MMP10: variants seen among roughly 807,000 people sequenced by gnomAD.
The protein encoded by MMP10 is stromelysin-2.
A neutral mutation model predicts 49.1 loss-of-function variants in MMP10; 50 were observed. The observed-to-expected ratio is 1.02, with a 90% CI of 0.81 to 1.29. MMP10 has a LOEUF of 1.29. Among genes scored for constraint, MMP10 ranks in the 50% most tolerant of loss-of-function variants. The probability of loss-of-function intolerance (pLI) is 0.00; values close to 1 mark genes in which losing one functional copy is unlikely to be tolerated. For synonymous variants in MMP10, 229 were observed against 201.6 expected (o/e 1.14, Z -1.15); for missense variants, 613 against 563.8 (o/e 1.09, Z -0.88).
At position 102,778,115 on chromosome 11, in the gene MMP10, GAA is replaced by G. The variant is rs17860961; in HGVS notation, c.622+507_622+508del. Among the ~76,000 whole-genome samples, 3 of 152,022 alleles carry G rather than the reference GAA, an allele frequency of 2.0e-5. No individual in the cohort carries two copies. In the South Asian group the frequency reaches 6.2e-4, roughly 32 times the overall value. On this transcript the variant is annotated intron_variant, in intron 4 of 9. Coordinates refer to ENST00000279441, the MANE Select transcript of MMP10 (RefSeq NM_002425.3). ...AAGTGTTTCCAAGCCAATTTAGGGC[GAA>G]AAAAACCCATCTAAGCTAGAGACAG...
At chr11:102,775,950 G>C (rs886638108) in intron 6 of MMP10, among the ~76,000 whole-genome samples, 3 of 151,954 alleles carry the variant, frequency 2.0e-5, no homozygotes, top group African/African-American at 7.2e-5. Context: ...TCCCTTATAA[G>C]TCTGTAAAAA....
intron 7 of MMP10, among the ~76,000 whole-genome samples, chr11:102,773,307 G>A (rs1420243260): frequency 1.3e-5 from 2 of 152,248 alleles, no homozygotes; most frequent in Non-Finnish European, 2.9e-5. Flanking sequence ...CTTTTAACCT[G>A]AATTTCTCAC....
chr11:102,776,605 C>A lies in MMP10; in HGVS notation c.787+7G>T. ...CTGCAATGCCTAATTTTTCCAGCAT[C>A]ACTCACCGTAGAGAGACTGAATGCC... On this transcript the variant is annotated splice_region_variant and intron_variant, in intron 5 of 9. Transcript: ENST00000279441. 1 of 1,603,686 alleles carries A rather than the reference C, an allele frequency of 6.2e-7. No homozygotes were observed. Among genetic ancestry groups the A allele is most frequent in the Non-Finnish European group, 8.5e-7 (1 of 1,176,594 alleles).
chr11:102,770,825 T>C lies in MMP10; in HGVS notation c.1399A>G (p.Ile467Val), dbSNP rs1398148190. 2 of 1,612,366 alleles carry C rather than the reference T, an allele frequency of 1.2e-6. No individual in the cohort carries two copies. Among genetic ancestry groups the C allele is most frequent in the South Asian group, 1.1e-5 (1 of 90,730 alleles). The change falls in exon 10 of 10, where the codon ATA becomes GTA. Residue 467 changes from isoleucine to valine, a missense_variant. Ile to Val is a conservative substitution (Grantham distance 29, BLOSUM62 3). Transcript: ENST00000279441. ...TGTAACCAGCTGTTACTCTTTAATA[T>C]GTGTGTCACCATCCTGGCATTGGGG... ...FDPNARMVTH[I>V]LKSNSWLHC
rs377625989 is a variant in MMP10, at chr11:102,776,735, A to G, written c.664T>C (p.Ser222Pro). The change falls in exon 5 of 10, where the codon TCC becomes CCC. Residue 222 changes from serine (S) to proline (P), a missense_variant. By Grantham distance (74) the Ser-to-Pro change is moderately conservative. Transcript: ENST00000279441. ...TTGGCTGAGTGAAAGAGCCCCAGGG[A>G]GTGGCCAAGTTCATGAGCAGCAACG... Reference protein sequence around the residue: ...FLVAAHELGHSLGLFHSANTE... With the variant: ...FLVAAHELGHPLGLFHSANTE... 77 of 1,613,898 alleles carry G rather than the reference A, an allele frequency of 4.8e-5. 2 individuals carry two copies. In the East Asian group the frequency reaches 6.0e-4, roughly 13 times the overall value.
At chr11:102,778,480 A>T in intron 4 of MMP10, 144 bp downstream of exon 4, 1 of 994,094 alleles carries the variant, frequency 1.0e-6, no homozygotes, top group Non-Finnish European at 1.5e-6. Context: ...GATTGAAACA[A>T]ACAGTACTTC....
chr11:102,779,406 A>T, intron 2 of MMP10, 45 bp from the exon 3 acceptor site: 1 of 1,609,168 alleles, frequency 6.2e-7, no homozygotes. Flanking sequence ...TCCTGCCTTT[A>T]TGAAAAATTG....
chr11:102,778,776 A>G lies in MMP10; in HGVS notation c.497-27T>C, dbSNP rs746881302. Reference sequence around the variant, plus strand: ...TGATAGGGAACAAATTAATGGAAATATAAGTGTTCAGAATTTCTTTTTACC... The same window carrying G: ...TGATAGGGAACAAATTAATGGAAATGTAAGTGTTCAGAATTTCTTTTTACC... On this transcript the variant is annotated intron_variant, in intron 3 of 9. Transcript: ENST00000279441. 5.6e-6 allele frequency: 9 copies of G among 1,611,820 alleles called. 1 individual carries two copies. In the African/African-American group the frequency reaches 6.7e-5, roughly 12 times the overall value.
At chr11:102,771,088 G>A (rs1318160420) in intron 9 of MMP10, among the ~76,000 whole-genome samples, 195 bp from the exon 10 acceptor site, 1 of 152,084 alleles carries the variant, frequency 6.6e-6, no homozygotes, top group Non-Finnish European at 1.5e-5. Flanking sequence ...TTATTAATGA[G>A]AACAAAACTA....
rs765412485 is a variant in MMP10 at position 102,779,574 on chromosome 11, C to T, written c.277G>A (p.Val93Ile). ...LEVMRKPRCG[V>I]PDVGHFSSFP... Reference sequence around the variant, plus strand: ...GAGCTGAAGTGACCAACGTCAGGAACTCCACACCTGGGCTTGCGCATCACC... The same window carrying T: ...GAGCTGAAGTGACCAACGTCAGGAATTCCACACCTGGGCTTGCGCATCACC... Residue 93 changes from valine to isoleucine, a missense_variant, in exon 2 of 10, where the codon GTT becomes ATT. Transcript: ENST00000279441. The T allele has an allele frequency of 1.2e-6, 2 of 1,614,018 alleles. No individual in the cohort carries two copies. The highest frequency in any genetic ancestry group is 1.7e-5 in the Admixed American group (1 of 59,930).
chr11:102,777,790 G>A lies in MMP10; in HGVS notation c.622+834C>T, dbSNP rs1382718094. Among the ~76,000 whole-genome samples the A allele has an allele frequency of 1.3e-5, 2 of 152,098 alleles. 1 individual carries two copies. Among genetic ancestry groups the A allele is most frequent in the South Asian group, 4.2e-4 (2 of 4,816 alleles). ...GAAAAGAACAGTTGTTCAAATAAAA[G>A]GCAATCATTTCATGCAACACAAACT... is the stretch of plus-strand genomic sequence containing the variant. On this transcript the variant is annotated intron_variant, in intron 4 of 9. Coordinates refer to ENST00000279441, the MANE Select transcript of MMP10 (RefSeq NM_002425.3).
Position 102,772,711 on chromosome 11 carries a change from G to T in MMP10, c.1226+136C>A. ...TTGTATCCGGAAGGTAGAACAATAA[G>T]CTGTCTTCCTCATAATCATAAATTT... is the stretch of plus-strand genomic sequence containing the variant. On this transcript the variant is annotated intron_variant, in intron 8 of 9. Transcript: ENST00000279441. The surrounding 1 kb of genome is among the most constrained non-coding windows in gnomAD (Gnocchi z 4.4). 2 of 879,244 alleles carry T rather than the reference G, an allele frequency of 2.3e-6. No individual in the cohort carries two copies. The highest frequency in any genetic ancestry group is 5.1e-5 in the East Asian group (2 of 39,318). 54.5% of individuals were successfully genotyped at this position (879,244 alleles called of 1,614,324 possible). A position where few individuals can be genotyped will look rare whatever the true frequency, so the allele number is the denominator to read the frequency against.
intron 3 of MMP10, among the ~76,000 whole-genome samples, chr11:102,778,964 C>G (rs769951930): frequency 6.6e-5 from 10 of 152,188 alleles, no homozygotes; most frequent in Non-Finnish European, 1.5e-4. Flanking sequence ...GAGATTAGTG[C>G]TTTTATGAAA....
rs760647930 is a variant in MMP10 at position 102,780,628 on chromosome 11, T to C, written c.-37A>G. 107 of 1,569,572 alleles carry C rather than the reference T, an allele frequency of 6.8e-5. No individual in the cohort carries two copies. Among genetic ancestry groups the C allele is most frequent in the Non-Finnish European group, 9.2e-5 (105 of 1,144,310 alleles). ...TTACCTTCTTTGTCTACTGGGCTTC[T>C]AGCTCTACCCCCTAGTGGCCTTTCT... On this transcript the variant is annotated 5_prime_UTR_variant, in exon 1 of 10. Transcript: ENST00000279441.
intron 6 of MMP10, among the ~76,000 whole-genome samples, chr11:102,775,935 A>C (rs1433251000): frequency 6.6e-6 from 1 of 152,178 alleles, no homozygotes; most frequent in Non-Finnish European, 1.5e-5. Flanking sequence ...AGGGACCAAG[A>C]ATCATCCCTT....
chr11:102,770,648 C>A lies in MMP10; in HGVS notation c.*145G>T. The stretch of plus-strand genomic sequence containing the variant: ...AGTGAAGAATTCCAGAAACATTCTT[C>A]ATGACACATGCAGATATCTGCAAGG... On this transcript the variant is annotated 3_prime_UTR_variant, in exon 10 of 10. Transcript: ENST00000279441. 1.9e-6 allele frequency: 1 copy of A among 528,542 alleles called. No individual in the cohort carries two copies. The highest frequency in any genetic ancestry group is 3.8e-5 in the Admixed American group (1 of 26,596). 32.7% of individuals were successfully genotyped at this position (528,542 alleles called of 1,614,324 possible). A position where few individuals can be genotyped will look rare whatever the true frequency, so the allele number is the denominator to read the frequency against.
intron 6 of MMP10, among the ~76,000 whole-genome samples, chr11:102,775,642 T>A (rs1857717176): frequency 6.6e-6 from 1 of 152,184 alleles, no homozygotes; most frequent in Non-Finnish European, 1.5e-5. Flanking sequence ...TTGGTAGCAG[T>A]GGTTGCACAT....
intron 9 of MMP10, 101 bp downstream of exon 9, chr11:102,771,911 A>C: frequency 1.3e-6 from 1 of 765,740 alleles, no homozygotes; most frequent in South Asian, 1.6e-5. Flanking sequence ...AAAAGATATC[A>C]GACTGAATGA....
At position 102,772,247 on chromosome 11, in the gene MMP10, C is replaced by T; in HGVS notation, c.1227-132G>A. On this transcript the variant is annotated intron_variant, in intron 8 of 9. Coordinates refer to ENST00000279441, the MANE Select transcript of MMP10 (RefSeq NM_002425.3). The surrounding 1 kb of genome is among the most constrained non-coding windows in gnomAD (Gnocchi z 4.4). Reference sequence around the variant, plus strand: ...TTAAGTTGTGTAAAAAAGTGTTAAACATTTTTAGAGCTACAAGAATAGGTT... The same window carrying T: ...TTAAGTTGTGTAAAAAAGTGTTAAATATTTTTAGAGCTACAAGAATAGGTT... 5.1e-6 allele frequency: 3 copies of T among 582,948 alleles called. No individual in the cohort carries two copies. In the South Asian group the frequency reaches 7.7e-5, roughly 15 times the overall value. The allele number at this position is 582,948 out of a possible 1,614,324, so 36.1% of individuals were successfully genotyped here. A position where few individuals can be genotyped will look rare whatever the true frequency, so the allele number is the denominator to read the frequency against.
Sources: allele counts gnomAD v4.1 joint callset (sites outside exome capture counted in the v4.1 genomes callset), GRCh38; gene constraint gnomAD v4.1.1; non-coding constraint Gnocchi (gnomAD v3.1); transcripts MANE v1.5; gene names NCBI Gene and HGNC (gene_info 2026-07-23, HGNC 2026-07-21).